Variants in TDP2 observed in about 807,000 individuals in gnomAD.
TDP2 encodes tyrosyl-DNA phosphodiesterase 2.
In TDP2, 38 loss-of-function variants were observed where a neutral mutation model predicts 42.8. That is an observed-to-expected ratio of 0.89 (90% CI 0.68 to 1.16). The LOEUF (loss-of-function observed/expected upper bound fraction) is 1.16, where lower values mean the gene tolerates loss of function less well. TDP2 is among the 50% of genes most tolerant of loss of function. The pLI is 0.00. For synonymous variants in TDP2, 173 were observed against 150.6 expected, an observed-to-expected ratio of 1.15 and a Z score of -1.09; for missense variants, 439 against 439.3, an observed-to-expected ratio of 1.00 and a Z score of 0.01.
intron 2 of TDP2, chr6:24,666,099 A>AG (rs2127619303): frequency 1.3e-6 from 2 of 1,543,040 alleles, no homozygotes; most frequent in East Asian, 4.9e-5. Flanking sequence ...CATTAAAAAA[A>AG]AATAACAACA....
chr6:24,651,417 C>G (rs1777972824), intron 6 of TDP2, among the ~76,000 whole-genome samples: 2 of 152,176 alleles, frequency 1.3e-5, no homozygotes, highest in Non-Finnish European at 2.9e-5. Context: ...AACTGCCACT[C>G]TACTTTAGTC....
At chr6:24,666,482 A>G (rs1008571470) in intron 2 of TDP2, 44 bp downstream of exon 2, 2 of 1,596,972 alleles carry the variant, frequency 1.3e-6, no homozygotes, top group Admixed American at 1.7e-5. Flanking sequence ...CCTGGTATCA[A>G]ACTGCCTCCG....
At chr6:24,661,762 A>G (rs1476364872) in intron 2 of TDP2, among the ~76,000 whole-genome samples, 5 of 152,136 alleles carry the variant, frequency 3.3e-5, no homozygotes, top group Non-Finnish European at 7.4e-5. Flanking sequence ...ATTTCATCCT[A>G]CCCAAAAGTT....
chr6:24,656,011 G>A (rs1379238326), intron 4 of TDP2, among the ~76,000 whole-genome samples: 1 of 152,086 alleles, frequency 6.6e-6, no homozygotes. Flanking sequence ...CAAAAGCCAA[G>A]GATCCCTACA....
intron 2 of TDP2, among the ~76,000 whole-genome samples, chr6:24,664,392 A>ACC (rs1778199832): frequency 6.6e-6 from 1 of 151,960 alleles, no homozygotes; most frequent in Admixed American, 6.6e-5. Context: ...TGAAATTAGA[A>ACC]TCTCTGGTTT....
At chr6:24,666,670 G>A in intron 1 of TDP2, 28 bp downstream of exon 1, 4 of 1,614,044 alleles carry the variant, frequency 2.5e-6, no homozygotes, top group Non-Finnish European at 3.4e-6. Flanking sequence ...AGGTAATGGA[G>A]CCGGAAGCGA....
rs780943994 is a variant in TDP2 at position 24,657,920 on chromosome 6, A to G, written c.426-17T>C. The G allele has an allele frequency of 9.6e-6, 14 of 1,457,158 alleles. No homozygotes were observed. Among genetic ancestry groups the G allele is most frequent in the Non-Finnish European group, 1.2e-5 (13 of 1,067,550 alleles). The allele number at this position is 1,457,158 out of a possible 1,614,324, so 90.3% of individuals were successfully genotyped here. A position where few individuals can be genotyped will look rare whatever the true frequency, so the allele number is the denominator to read the frequency against. ...GGGCTGTACCTAATGAAAAACATCA[A>G]TTTATGACAAATACCAAGTATACCA... On this transcript the variant is annotated splice_polypyrimidine_tract_variant and intron_variant, in intron 3 of 6. Transcript: ENST00000378198.
At chr6:24,654,653 T>C in intron 4 of TDP2, 123 bp from the exon 5 acceptor site, 1 of 602,068 alleles carries the variant, frequency 1.7e-6, no homozygotes, top group Non-Finnish European at 2.9e-6. Context: ...TGGATCTAAA[T>C]CTTTAAACTA....
In TDP2 at chr6:24,650,935, A is replaced by G. The variant is rs757486840; in HGVS notation, c.942T>C (p.Arg314=). The change falls in exon 7 of 7, where the codon CGT becomes CGC. Residue 314 remains arginine (R), a synonymous_variant. Transcript: ENST00000378198. ...CTGCTCTGAAAAATATTCGATCAAA[A>G]CGAAGTTTACAAGCAGCAGTTATTC... The part of the protein sequence containing the change: ...NLGITAACKL[R]FDRIFFRAAA... 17 of 1,614,154 alleles carry G rather than the reference A, an allele frequency of 1.1e-5. No individual in the cohort carries two copies. The highest frequency in any genetic ancestry group is 1.4e-5 in the Non-Finnish European group (17 of 1,180,022).
Position 24,658,590 on chromosome 6 carries a change from C to T in TDP2, c.396G>A (p.Arg132=). 6.2e-7 allele frequency: 1 copy of T among 1,612,832 alleles called. No individual in the cohort carries two copies. Among genetic ancestry groups the T allele is most frequent in the Non-Finnish European group, 8.5e-7 (1 of 1,179,460 alleles). The stretch of plus-strand genomic sequence containing the variant: ...CTAAGTAGGAACACACCCCTCGAGC[C>T]CTCTCTGACAGATTGTTTAGATCTA... ...DGLDLNNLSE[R]ARGVCSYLAL... The change falls in exon 3 of 7, where the codon AGG becomes AGA. Residue 132 remains arginine (R), a synonymous_variant. Transcript: ENST00000378198.
At chr6:24,662,389 C>T (rs972653945) in intron 2 of TDP2, among the ~76,000 whole-genome samples, 1 of 152,100 alleles carries the variant, frequency 6.6e-6, no homozygotes, top group African/African-American at 2.4e-5. Flanking sequence ...AGAAAACCGC[C>T]TTATAGCTGG....
Position 24,650,541 on chromosome 6 carries a change from C to A in TDP2, c.*247G>T. The A allele has an allele frequency of 4.2e-6, 2 of 473,590 alleles. No homozygotes were observed. Among genetic ancestry groups the A allele is most frequent in the South Asian group, 5.7e-5 (2 of 35,128 alleles). 29.3% of individuals were successfully genotyped at this position (473,590 alleles called of 1,614,324 possible). A position where few individuals can be genotyped will look rare whatever the true frequency, so the allele number is the denominator to read the frequency against. On this transcript the variant is annotated 3_prime_UTR_variant, in exon 7 of 7. Transcript: ENST00000378198. ...GAATCCAGCTGGCAGCTATAAGCAC[C>A]GTTGAAAACTCTGACAGGCTTTGTG...
intron 2 of TDP2, among the ~76,000 whole-genome samples, chr6:24,662,997 G>A (rs527326700): frequency 4.7e-4 from 71 of 152,088 alleles, no homozygotes; most frequent in African/African-American, 1.6e-3. Flanking sequence ...TTACCTATCC[G>A]GCACACACAC....
At chr6:24,662,083 G>A (rs770689590) in intron 2 of TDP2, among the ~76,000 whole-genome samples, 2 of 152,062 alleles carry the variant, frequency 1.3e-5, no homozygotes, top group African/African-American at 4.8e-5. Context: ...CTCCAGTCTC[G>A]AGTACCCAGG....
chr6:24,651,486 A>G (rs918587146), intron 6 of TDP2, among the ~76,000 whole-genome samples: 1 of 152,204 alleles, frequency 6.6e-6, no homozygotes, highest in Non-Finnish European at 1.5e-5. Context: ...CTTCAGTTTT[A>G]TTTGAAGTTT....
chr6:24,651,651 A>G (rs958495644), intron 6 of TDP2, among the ~76,000 whole-genome samples: 7 of 129,668 alleles, frequency 5.4e-5, no homozygotes, highest in South Asian at 5.1e-4. Flanking sequence ...GAGTGGTGCA[A>G]TCTCGGTTCA....
intron 2 of TDP2, among the ~76,000 whole-genome samples, chr6:24,661,250 G>T (rs1015429579): frequency 3.3e-5 from 5 of 152,130 alleles, no homozygotes; most frequent in Non-Finnish European, 1.5e-5. Flanking sequence ...GAGTTCTACT[G>T]TAAGGAAAAA....
chr6:24,664,783 C>CT (rs1778204614), intron 2 of TDP2, among the ~76,000 whole-genome samples: 1 of 152,144 alleles, frequency 6.6e-6, no homozygotes, highest in Admixed American at 6.6e-5. Flanking sequence ...GCAAACTAAA[C>CT]TTTAAAACCT....
rs949607211 is a variant in TDP2, at chr6:24,657,590, T to C, written c.517+222A>G. Among the ~76,000 whole-genome samples the C allele has an allele frequency of 2.6e-5, 4 of 152,072 alleles. No individual in the cohort carries two copies. The South Asian group carries it at 8.3e-4, about 32-fold the overall frequency. On this transcript the variant is annotated intron_variant, in intron 4 of 6. Transcript: ENST00000378198. ...TTGTTTCTCAAATTTTAGTAATTTA[T>C]ATTTTCCTGAAAAATCATCCATTTC...
Sources: gnomAD v4.1 joint callset for allele counts (sites outside exome capture counted in the v4.1 genomes callset) on GRCh38, gnomAD v4.1.1 for gene constraint, MANE v1.5 for transcripts, NCBI Gene and HGNC (gene_info 2026-07-23, HGNC 2026-07-21) for gene names.